BTBD9: variants seen among roughly 807,000 people sequenced by gnomAD.
BTBD9 encodes BTB domain containing 9.
In BTBD9, 49 loss-of-function variants were observed where a neutral mutation model predicts 64.3. The observed-to-expected ratio is 0.76, with a 90% confidence interval of 0.61 to 0.97. BTBD9 has a LOEUF of 0.97. Among genes scored for constraint, BTBD9 ranks in the 50% least tolerant of loss-of-function variants. BTBD9 has a pLI of 0.00. For synonymous variants in BTBD9, 260 were observed against 274.7 expected (o/e 0.95, Z 0.53); for missense variants, 598 against 762.1 (o/e 0.78, Z 2.53).
chr6:38,523,700 T>A (rs570891280), intron 6 of BTBD9, among the ~76,000 whole-genome samples: 6 of 152,362 alleles, frequency 3.9e-5, no homozygotes, highest in African/African-American at 1.4e-4. Context: ...TTTTTCATTA[T>A]CATTAGCAGG....
In BTBD9 at chr6:38,413,128, C is replaced by T. The variant is rs184539906; in HGVS notation, c.1155-68035G>A. Among the ~76,000 whole-genome samples, 356 of 152,124 alleles carry T rather than the reference C, an allele frequency of 2.3e-3. 1 individual carries two copies. Among genetic ancestry groups the T allele is most frequent in the African/African-American group, 7.5e-3 (311 of 41,506 alleles). ...CATCCTTTCCTTCTTTCCTTCCTTC[C>T]TTCTTTTTTCTTAACTATGCCCTTA... On this transcript the variant is annotated intron_variant, in intron 6 of 10. Transcript: ENST00000481247.
intron 9 of BTBD9, among the ~76,000 whole-genome samples, chr6:38,252,354 C>T (rs1764430581): frequency 6.6e-6 from 1 of 152,180 alleles, no homozygotes; most frequent in Non-Finnish European, 1.5e-5. Context: ...TGCACTGTAG[C>T]ATATTAGTTA....
At chr6:38,216,049 G>A (rs886914458) in intron 9 of BTBD9, among the ~76,000 whole-genome samples, 14 of 152,112 alleles carry the variant, frequency 9.2e-5, no homozygotes, top group Non-Finnish European at 2.1e-4. Context: ...TTCTTGTGAA[G>A]AAGCACGGCT....
intron 6 of BTBD9, among the ~76,000 whole-genome samples, chr6:38,359,966 A>T (rs1389159858): frequency 1.3e-5 from 2 of 152,126 alleles, no homozygotes; most frequent in Non-Finnish European, 2.9e-5. Flanking sequence ...TACTAGTTAA[A>T]CTATACAAGA....
At chr6:38,482,203 C>A (rs1771184073) in intron 6 of BTBD9, 1 of 152,268 alleles carries the variant, frequency 6.6e-6, no homozygotes, top group South Asian at 2.1e-4. Flanking sequence ...CCCTCTACGC[C>A]CCCAACCCCT....
intron 6 of BTBD9, among the ~76,000 whole-genome samples, chr6:38,537,659 T>TGGAATTTTATGCTATGC (rs1774080648): frequency 6.6e-6 from 1 of 152,230 alleles, no homozygotes; most frequent in Admixed American, 6.5e-5. Context: ...TTATGCTATG[T>TGGAATTTTATGCTATGC]ACAAAGAAAA....
intron 8 of BTBD9, among the ~76,000 whole-genome samples, chr6:38,277,043 T>TA (rs1761295003): frequency 6.6e-6 from 1 of 152,220 alleles, no homozygotes; most frequent in South Asian, 2.1e-4. Context: ...AAACTATAGT[T>TA]AACTAAAGTA....
At chr6:38,334,263 TA>T (rs1232255006) in intron 7 of BTBD9, among the ~76,000 whole-genome samples, 1 of 150,406 alleles carries the variant, frequency 6.6e-6, no homozygotes, top group East Asian at 1.9e-4. Flanking sequence ...TATCTGAAAC[TA>T]GAACTTATAT....
intron 1 of BTBD9, among the ~76,000 whole-genome samples, chr6:38,634,012 G>C (rs1778446307): frequency 6.6e-6 from 1 of 152,162 alleles, no homozygotes; most frequent in African/African-American, 2.4e-5. Flanking sequence ...AGGTGCACAA[G>C]GCAATTATTG....
chr6:38,388,262 G>A (rs1766267756), intron 6 of BTBD9, among the ~76,000 whole-genome samples: 1 of 151,534 alleles, frequency 6.6e-6, no homozygotes. Flanking sequence ...ACAGCTTTGA[G>A]GTTCACAGTT....
intron 7 of BTBD9, among the ~76,000 whole-genome samples, chr6:38,297,880 G>A (rs12663227): frequency 1.1e-4 from 15 of 139,956 alleles, no homozygotes; most frequent in East Asian, 6.3e-4. Context: ...TCGCTCTGTC[G>A]CCCAGGCTGC....
intron 6 of BTBD9, among the ~76,000 whole-genome samples, chr6:38,474,715 T>G (rs751855692): frequency 2.6e-5 from 4 of 152,150 alleles, no homozygotes; most frequent in Non-Finnish European, 5.9e-5. Context: ...GTATTTCCAC[T>G]TGTTCCAGCA....
Position 38,174,817 on chromosome 6 carries a change from TTCTG to T in BTBD9, c.*164_*167del. ...AATTGAGAAGAACAAAGCAGCCCCT[TTCTG>T]TCCTTGGGAGAAAACCTGTTCGGTG... is the stretch of plus-strand genomic sequence containing the variant. On this transcript the variant is annotated 3_prime_UTR_variant, in exon 11 of 11. Coordinates refer to ENST00000481247, the MANE Select transcript of BTBD9 (RefSeq NM_001099272.2). 1.3e-6 allele frequency: 1 copy of T among 780,412 alleles called. No individual in the cohort carries two copies. The highest frequency in any genetic ancestry group is 1.7e-5 in the South Asian group (1 of 57,404). The allele number at this position is 780,412 out of a possible 1,614,324, so 48.3% of individuals were successfully genotyped here. A position where few individuals can be genotyped will look rare whatever the true frequency, so the allele number is the denominator to read the frequency against.
intron 6 of BTBD9, among the ~76,000 whole-genome samples, chr6:38,394,743 T>C (rs1288021354): frequency 6.6e-6 from 1 of 151,936 alleles, no homozygotes. Flanking sequence ...CACCATGCTG[T>C]AGGGACACTC....
At chr6:38,335,916 G>A (rs1430841281) in intron 7 of BTBD9, among the ~76,000 whole-genome samples, 4 of 151,870 alleles carry the variant, frequency 2.6e-5, no homozygotes, top group Admixed American at 6.6e-5. Context: ...GTATTTTTTT[G>A]TAGAGATAGG....
chr6:38,210,546 G>T (rs867322638), intron 9 of BTBD9, among the ~76,000 whole-genome samples: 1 of 134,156 alleles, frequency 7.5e-6, no homozygotes, highest in African/African-American at 3.2e-5. Context: ...TTGTGTGTGT[G>T]TGTGTGTGTG....
intron 6 of BTBD9, among the ~76,000 whole-genome samples, chr6:38,425,927 T>TACACACACACACACACACACACAC (rs61016424): frequency 1.5e-5 from 2 of 136,988 alleles, no homozygotes; most frequent in South Asian, 4.6e-4. Flanking sequence ...AAGAAACACA[T>TACACACACACACACACACACACAC]ACACACACAC....
intron 10 of BTBD9, 131 bp from the exon 11 acceptor site, chr6:38,175,313 T>C (rs937821726): frequency 1.6e-5 from 13 of 819,822 alleles, no homozygotes; most frequent in African/African-American, 3.4e-5. Flanking sequence ...TCCTTCCCAC[T>C]GCCCACGCCT....
chr6:38,631,050 C>G, intron 1 of BTBD9, among the ~76,000 whole-genome samples: 1 of 152,036 alleles, frequency 6.6e-6, no homozygotes, highest in East Asian at 1.9e-4. Context: ...AATTTAAAAC[C>G]ATTAAATATG....
Sources: allele counts gnomAD v4.1 joint callset (sites outside exome capture counted in the v4.1 genomes callset), GRCh38; gene constraint gnomAD v4.1.1; transcripts MANE v1.5; gene names NCBI Gene and HGNC (gene_info 2026-07-23, HGNC 2026-07-21).